Variants in NRAS observed in about 807,000 individuals in gnomAD.
NRAS encodes GTPase NRas.
In NRAS, 6 loss-of-function variants were observed where a neutral mutation model predicts 21.3. The ratio of observed to expected loss-of-function variants is 0.28; its 90% CI spans 0.15 to 0.56. The LOEUF is 0.56. NRAS is among the 20% of genes least tolerant of loss of function. The probability of loss-of-function intolerance (pLI) is 0.93; values close to 1 mark genes in which losing one functional copy is unlikely to be tolerated. For synonymous variants in NRAS, 84 were observed against 82.0 expected, an observed-to-expected ratio of 1.02 and a Z score of -0.13; for missense variants, 143 against 231.3, an observed-to-expected ratio of 0.62 and a Z score of 2.48.
chr1:114,708,622 T>C lies in NRAS; in HGVS notation c.483A>G (p.Arg161=). The C allele has an allele frequency of 6.2e-7, 1 of 1,613,174 alleles. No individual in the cohort carries two copies. The highest frequency in any genetic ancestry group is 8.5e-7 in the Non-Finnish European group (1 of 1,179,136). The change falls in exon 5 of 7, where the codon AGA becomes AGG. Residue 161 remains arginine (R), a synonymous_variant. Coordinates refer to ENST00000369535, the MANE Select transcript of NRAS (RefSeq NM_002524.5). Reference sequence around the variant, plus strand: ...TTTTCATTCGGTACTGGCGTATTTCTCTTACCAGTGTGTAAAAAGCATCTT... The same window carrying C: ...TTTTCATTCGGTACTGGCGTATTTCCCTTACCAGTGTGTAAAAAGCATCTT... ...GVEDAFYTLV[R]EIRQYRMKKL... is the part of the protein sequence containing the mutation.
At chr1:114,713,726 G>T (rs2101741573) in intron 3 of NRAS, 74 bp downstream of exon 3, 1 of 1,270,346 alleles carries the variant, frequency 7.9e-7, no homozygotes, top group Non-Finnish European at 1.2e-6. Flanking sequence ...CTTCCCTAGT[G>T]TGGTAACCTC....
rs1659165709 is a variant in NRAS, at chr1:114,716,314, C to A, written c.-17-137G>T. 3 of 699,336 alleles carry A rather than the reference C, an allele frequency of 4.3e-6. No individual in the cohort carries two copies. The East Asian group carries it at 8.0e-5, about 19-fold the overall frequency. 43.3% of individuals were successfully genotyped at this position (699,336 alleles called of 1,614,324 possible). ...AAAGTGACTAGAGAACGCAAAAACACCGGATTAATATCGGCCTCACACTTC... is the reference window on the plus strand; with the variant it reads ...AAAGTGACTAGAGAACGCAAAAACAACGGATTAATATCGGCCTCACACTTC... On this transcript the variant is annotated intron_variant, in intron 1 of 6. Transcript: ENST00000369535.
rs1436348270 is a variant in NRAS at position 114,707,468 on chromosome 1, T to C, written c.*626A>G. On this transcript the variant is annotated 3_prime_UTR_variant, in exon 7 of 7. Transcript: ENST00000369535. ...GGAAAAAGGCACTTCACTGTGAAAG[T>C]TGGATTTAATTACGTCAAAGTTGTG... 1 of 152,622 alleles carries C rather than the reference T, an allele frequency of 6.6e-6. No individual in the cohort carries two copies. Among genetic ancestry groups the C allele is most frequent in the African/African-American group, 2.4e-5 (1 of 41,442 alleles). The allele number at this position is 152,622 out of a possible 1,614,324, so 9.5% of individuals were successfully genotyped here. A position where few individuals can be genotyped will look rare whatever the true frequency, so the allele number is the denominator to read the frequency against.
intron 3 of NRAS, 124 bp downstream of exon 3, chr1:114,713,676 C>G (rs1659090920): frequency 7.5e-6 from 6 of 797,206 alleles, no homozygotes; most frequent in Non-Finnish European, 1.1e-5. Flanking sequence ...CAATGTCAAA[C>G]AACCTAAAAC....
chr1:114,713,324 AT>A (rs968467551), intron 3 of NRAS, among the ~76,000 whole-genome samples: 2 of 151,582 alleles, frequency 1.3e-5, no homozygotes, highest in African/African-American at 4.8e-5. Context: ...TGTGTGACTA[AT>A]TTTTTTATTT....
chr1:114,716,513 A>T, intron 1 of NRAS, 145 bp downstream of exon 1: 1 of 371,594 alleles, frequency 2.7e-6, no homozygotes, highest in South Asian at 2.2e-5. Flanking sequence ...GTCTCCAAAG[A>T]TCTCCCCACG....
rs570152783 is a variant in NRAS, at chr1:114,714,761, C to T, written c.112-783G>A. Reference sequence around the variant, plus strand: ...GTAGACATAAAATTTATGTATTTTACTTATGTAAATTGCTCAATAAATCAA... The same window carrying T: ...GTAGACATAAAATTTATGTATTTTATTTATGTAAATTGCTCAATAAATCAA... On this transcript the variant is annotated intron_variant, in intron 2 of 6. Coordinates refer to ENST00000369535, the MANE Select transcript of NRAS (RefSeq NM_002524.5). Among the ~76,000 whole-genome samples the T allele has an allele frequency of 3.1e-4, 47 of 151,966 alleles. No individual in the cohort carries two copies. In the South Asian group the frequency reaches 9.7e-3, roughly 31 times the overall value.
intron 3 of NRAS, among the ~76,000 whole-genome samples, chr1:114,712,707 A>C (rs1296274592): frequency 1.3e-5 from 2 of 152,196 alleles, no homozygotes; most frequent in Admixed American, 6.5e-5. Flanking sequence ...TAGGCAGAAC[A>C]CTTAAGTAGC....
At chr1:114,708,712 A>G in intron 4 of NRAS, 58 bp from the exon 5 acceptor site, 1 of 1,538,878 alleles carries the variant, frequency 6.5e-7, no homozygotes, top group Non-Finnish European at 9.0e-7. Flanking sequence ...CACAATCCAA[A>G]TTATAAGCTC....
chr1:114,713,599 T>C (rs1282490714), intron 3 of NRAS, among the ~76,000 whole-genome samples: 1 of 152,226 alleles, frequency 6.6e-6, no homozygotes, highest in East Asian at 1.9e-4. Context: ...ATTATCAAAC[T>C]TTATAGTAAC....
At chr1:114,711,010 A>G (rs1214282265) in intron 3 of NRAS, among the ~76,000 whole-genome samples, 1 of 152,206 alleles carries the variant, frequency 6.6e-6, no homozygotes, top group African/African-American at 2.4e-5. Flanking sequence ...TTCTTCAAAT[A>G]AATTGTAGAT....
chr1:114,713,168 C>T (rs1659080837), intron 3 of NRAS, among the ~76,000 whole-genome samples: 2 of 151,982 alleles, frequency 1.3e-5, no homozygotes, highest in Admixed American at 1.3e-4. Context: ...TTGCTTACTC[C>T]TATCATTTTA....
At position 114,706,846 on chromosome 1, in the gene NRAS, C is replaced by T. The variant is rs765218856; in HGVS notation, c.*1248G>A. On this transcript the variant is annotated 3_prime_UTR_variant, in exon 7 of 7. Coordinates refer to ENST00000369535, the MANE Select transcript of NRAS (RefSeq NM_002524.5). ...CCTGGTCCATTAGCACCATGCTTTA[C>T]TCAACTGAAATAATCAAGCCCCTAT... The T allele has an allele frequency of 5.9e-5, 9 of 152,198 alleles. No homozygotes were observed. Among genetic ancestry groups the T allele is most frequent in the Non-Finnish European group, 1.2e-4 (8 of 68,036 alleles). The allele number at this position is 152,198 out of a possible 1,614,324, so 9.4% of individuals were successfully genotyped here.
chr1:114,708,747 G>T, intron 4 of NRAS, 93 bp from the exon 5 acceptor site: 1 of 1,158,900 alleles, frequency 8.6e-7, no homozygotes, highest in Non-Finnish European at 1.3e-6. Context: ...CTCTTTATGT[G>T]GACATAAGAT....
chr1:114,709,777 T>A, intron 3 of NRAS, 49 bp from the exon 4 acceptor site: 1 of 1,482,096 alleles, frequency 6.7e-7, no homozygotes, highest in Non-Finnish European at 9.4e-7. Context: ...AAGATTAGGC[T>A]GGGTACAGTG....
intron 4 of NRAS, 39 bp from the exon 5 acceptor site, chr1:114,708,693 C>A (rs1658972758): frequency 6.2e-7 from 1 of 1,606,774 alleles, no homozygotes; most frequent in African/African-American, 1.3e-5. Context: ...AGAGAGCTAG[C>A]TCAACGGACA....
intron 3 of NRAS, among the ~76,000 whole-genome samples, chr1:114,713,208 GCT>G (rs1307142270): frequency 8.6e-5 from 13 of 152,002 alleles, no homozygotes; most frequent in Admixed American, 6.6e-5. Context: ...ACAGAATCTT[GCT>G]CTGTTGATTA....
Position 114,715,726 on chromosome 1 carries a change from C to T in NRAS, c.111+324G>A, listed in dbSNP as rs79165397. Reference sequence around the variant, plus strand: ...CCTTTATCTCCATCCTATTATCTCCCATACAATCAGACAGTCTCGCTACTA... The same window carrying T: ...CCTTTATCTCCATCCTATTATCTCCTATACAATCAGACAGTCTCGCTACTA... On this transcript the variant is annotated intron_variant, in intron 2 of 6. Coordinates refer to ENST00000369535, the MANE Select transcript of NRAS (RefSeq NM_002524.5). Among the ~76,000 whole-genome samples the T allele has an allele frequency of 1.6e-3, 236 of 152,238 alleles. 2 individuals carry two copies. Among genetic ancestry groups the T allele is most frequent in the African/African-American group, 5.4e-3 (223 of 41,536 alleles).
rs750670729 is a variant in NRAS, at chr1:114,713,841, G to A, written c.249C>T (p.Ala83=). 6.2e-7 allele frequency: 1 copy of A among 1,614,010 alleles called. No individual in the cohort carries two copies. The highest frequency in any genetic ancestry group is 1.1e-5 in the South Asian group (1 of 91,080). The part of the protein sequence containing the change: ...RTGEGFLCVF[A]INNSKSFADI... ...CCGCAAATGACTTGCTATTATTGATGGCAAATACACAGAGGAAGCCTTCGC... is the reference window on the plus strand; with the variant it reads ...CCGCAAATGACTTGCTATTATTGATAGCAAATACACAGAGGAAGCCTTCGC... Residue 83 remains alanine, a synonymous_variant, in exon 3 of 7, where the codon GCC becomes GCT. Transcript: ENST00000369535.
Sources: gnomAD v4.1 joint callset for allele counts (sites outside exome capture counted in the v4.1 genomes callset) on GRCh38, gnomAD v4.1.1 for gene constraint, MANE v1.5 for transcripts, NCBI Gene and HGNC (gene_info 2026-07-23, HGNC 2026-07-21) for gene names.